Variants in RHOBTB3 observed in about 807,000 individuals in gnomAD.
RHOBTB3 encodes the protein rho-related BTB domain-containing protein 3.
A neutral mutation model predicts 67.2 loss-of-function variants in RHOBTB3; 47 were observed. The ratio of observed to expected loss-of-function variants is 0.70; its 90% confidence interval spans 0.55 to 0.89. The LOEUF is 0.89. Ranked by LOEUF, RHOBTB3 falls within the 40% of genes least tolerant of loss-of-function variation. RHOBTB3 has a pLI of 0.00. For missense variants in RHOBTB3, 631 were observed against 750.0 expected (o/e 0.84, Z 1.85); for synonymous variants, 273 against 274.2 (o/e 1.00, Z 0.04).
chr5:95,752,193 A>T (rs577022033), intron 4 of RHOBTB3, 46 bp from the exon 5 acceptor site: 1 of 1,140,548 alleles, frequency 8.8e-7, no homozygotes, highest in South Asian at 1.3e-5. Flanking sequence ...CATGTTGGAT[A>T]TATAGTTTTG....
At chr5:95,750,828 T>G (rs1245680538) in intron 4 of RHOBTB3, among the ~76,000 whole-genome samples, 1 of 152,184 alleles carries the variant, frequency 6.6e-6, no homozygotes, top group East Asian at 1.9e-4. Flanking sequence ...TTTAAAGCTC[T>G]GTGTTAGAGC....
chr5:95,789,958 G>C (rs1288206785), intron 11 of RHOBTB3, among the ~76,000 whole-genome samples: 2 of 152,212 alleles, frequency 1.3e-5, no homozygotes, highest in African/African-American at 4.8e-5. Flanking sequence ...TTTGAGTCCA[G>C]CCTGAGCAAC....
At chr5:95,731,137 G>A (rs921932255), upstream of RHOBTB3, 6 of 1,017,834 alleles carry the variant, frequency 5.9e-6, no homozygotes, top group Non-Finnish European at 7.1e-6. Flanking sequence ...TTTATATTCC[G>A]CGGCGCCCCG....
chr5:95,749,243 T>C (rs751487018), intron 4 of RHOBTB3, among the ~76,000 whole-genome samples: 1 of 152,244 alleles, frequency 6.6e-6, no homozygotes, highest in East Asian at 1.9e-4. Flanking sequence ...AAAGAAAACC[T>C]ACTTTAAGCA....
At chr5:95,782,345 A>G (rs1055348476) in intron 9 of RHOBTB3, 3 of 152,232 alleles carry the variant, frequency 2.0e-5, no homozygotes, top group Non-Finnish European at 2.9e-5. Flanking sequence ...AAAAACCCCC[A>G]GCCAAATTGG....
intron 11 of RHOBTB3, among the ~76,000 whole-genome samples, chr5:95,792,657 T>C (rs1186614558): frequency 2.0e-5 from 3 of 151,396 alleles, no homozygotes; most frequent in Admixed American, 6.6e-5. Flanking sequence ...CTGGGCGTGG[T>C]GTCACACGCC....
At chr5:95,739,923 C>T (rs1479168738) in intron 3 of RHOBTB3, among the ~76,000 whole-genome samples, 1 of 152,208 alleles carries the variant, frequency 6.6e-6, no homozygotes, top group African/African-American at 2.4e-5. Flanking sequence ...GTCATCTCTT[C>T]ATATGATAAC....
intron 8 of RHOBTB3, among the ~76,000 whole-genome samples, 155 bp downstream of exon 8, chr5:95,768,321 C>G (rs1396881602): frequency 6.6e-6 from 1 of 152,060 alleles, no homozygotes; most frequent in Non-Finnish European, 1.5e-5. Context: ...CAAAATCTTC[C>G]AGGTAAATAG....
At chr5:95,773,079 C>T (rs758225784) in intron 8 of RHOBTB3, among the ~76,000 whole-genome samples, 3 of 152,188 alleles carry the variant, frequency 2.0e-5, no homozygotes, top group Non-Finnish European at 4.4e-5. Context: ...GTTAGCATAA[C>T]TCACTGAAAA....
chr5:95,790,901 C>A (rs183073836), intron 11 of RHOBTB3, among the ~76,000 whole-genome samples: 52 of 152,326 alleles, frequency 3.4e-4, no homozygotes, highest in African/African-American at 1.2e-3. Flanking sequence ...ATTTTGGCTT[C>A]TTTTGAAAAA....
At chr5:95,731,157 C>G (rs904463659), upstream of RHOBTB3, 5 of 1,017,688 alleles carry the variant, frequency 4.9e-6, no homozygotes, top group Non-Finnish European at 5.9e-6. Flanking sequence ...GCGCGGGCGG[C>G]TCCTTTGTGT....
intron 8 of RHOBTB3, chr5:95,768,939 C>T (rs1295834816): frequency 2.3e-5 from 4 of 172,826 alleles, no homozygotes; most frequent in Non-Finnish European, 3.7e-5. Flanking sequence ...GTCTTGCATT[C>T]TGTCCCTCAC....
At chr5:95,733,074 A>G (rs1385517926) in intron 2 of RHOBTB3, among the ~76,000 whole-genome samples, 1 of 152,260 alleles carries the variant, frequency 6.6e-6, no homozygotes, top group Admixed American at 6.5e-5. Context: ...ATTCTAAAAA[A>G]TGTGTAGAAT....
intron 8 of RHOBTB3, among the ~76,000 whole-genome samples, chr5:95,768,560 T>C (rs186978383): frequency 6.6e-6 from 1 of 152,304 alleles, no homozygotes; most frequent in East Asian, 1.9e-4. Context: ...CTCTTCCTTT[T>C]TATTTGAGCA....
At chr5:95,786,174 A>G (rs1746218669) in intron 10 of RHOBTB3, among the ~76,000 whole-genome samples, 1 of 152,210 alleles carries the variant, frequency 6.6e-6, no homozygotes, top group African/African-American at 2.4e-5. Flanking sequence ...TTTTCTTCCC[A>G]AGTTTTCTTT....
intron 8 of RHOBTB3, chr5:95,770,536 G>T: frequency 2.7e-6 from 1 of 376,592 alleles, no homozygotes; most frequent in South Asian, 2.6e-5. Flanking sequence ...GGGGTTTTGT[G>T]AATATGGTGG....
intron 6 of RHOBTB3, among the ~76,000 whole-genome samples, chr5:95,757,836 G>A (rs1219770395): frequency 2.0e-5 from 3 of 152,068 alleles, no homozygotes; most frequent in Admixed American, 2.0e-4. Flanking sequence ...TCCAGTAGCC[G>A]GGCATCATCA....
chr5:95,741,202 C>A (rs1185293704), intron 3 of RHOBTB3, among the ~76,000 whole-genome samples: 1 of 151,838 alleles, frequency 6.6e-6, no homozygotes, highest in Non-Finnish European at 1.5e-5. Context: ...GTGGCAGGTG[C>A]CTGTAGTCCC....
At position 95,793,162 on chromosome 5, in the gene RHOBTB3, C is replaced by T. The variant is rs755994140; in HGVS notation, c.1824C>T (p.Cys608=). ...ATATTCACTCCCGGAAATGTCGTTG[C>T]TTAGTAATGTAACCTGGAGCTTTTA... The part of the protein sequence containing the change: ...RKYIHSRKCR[C]LVM Residue 608 remains cysteine, a synonymous_variant, in exon 12 of 12, where the codon TGC becomes TGT. Transcript: ENST00000379982. The T allele has an allele frequency of 1.7e-5, 27 of 1,605,370 alleles. No individual in the cohort carries two copies. In the East Asian group the frequency reaches 5.8e-4, roughly 35 times the overall value.
Sources: allele counts gnomAD v4.1 joint callset (sites outside exome capture counted in the v4.1 genomes callset), GRCh38; gene constraint gnomAD v4.1.1; transcripts MANE v1.5; gene names NCBI Gene and HGNC (gene_info 2026-07-23, HGNC 2026-07-21).